The following KCNN3 variants were observed in gnomAD, a reference collection of about 807,000 sequenced individuals.
KCNN3 encodes small conductance calcium-activated potassium channel protein 3.
KCNN3 carries 16 observed loss-of-function variants against 62.9 expected under a neutral mutation model. That is an observed-to-expected ratio of 0.25 (90% confidence interval 0.17 to 0.39). The LOEUF is 0.39. Ranked by LOEUF, KCNN3 falls within the 10% of genes least tolerant of loss-of-function variation. The pLI, the probability that KCNN3 is intolerant of heterozygous loss-of-function variation, is 1.00. For missense variants in KCNN3, 599 were observed against 949.4 expected, an observed-to-expected ratio of 0.63 and a Z score of 4.85; for synonymous variants, 370 against 389.2, an observed-to-expected ratio of 0.95 and a Z score of 0.58.
At chr1:154,785,492 GGC>G (rs1355449426) in intron 2 of KCNN3, among the ~76,000 whole-genome samples, 1 of 151,996 alleles carries the variant, frequency 6.6e-6, no homozygotes, top group African/African-American at 2.4e-5. Flanking sequence ...ATCTCCCAGT[GGC>G]GGGGGCAGCA....
At chr1:154,808,364 C>T (rs1187390900) in intron 2 of KCNN3, among the ~76,000 whole-genome samples, 1 of 152,056 alleles carries the variant, frequency 6.6e-6, no homozygotes, top group Non-Finnish European at 1.5e-5. Flanking sequence ...GAGCTGGTCC[C>T]TTCCCCTAGA....
intron 2 of KCNN3, among the ~76,000 whole-genome samples, chr1:154,814,526 G>C (rs1339968138): frequency 6.6e-6 from 1 of 152,216 alleles, no homozygotes; most frequent in East Asian, 1.9e-4. Context: ...AGGGAAGGGG[G>C]ACGATGGCCA....
At chr1:154,833,261 C>T (rs1286555859) in intron 1 of KCNN3, among the ~76,000 whole-genome samples, 5 of 152,198 alleles carry the variant, frequency 3.3e-5, no homozygotes, top group South Asian at 2.1e-4. Flanking sequence ...CCCCCAACCC[C>T]GGCAATGTTT....
At position 154,859,902 on chromosome 1, in the gene KCNN3, C is replaced by T. The variant is rs1352670369; in HGVS notation, c.933+9130G>A. 2.2e-6 allele frequency: 3 copies of T among 1,354,934 alleles called. No individual in the cohort carries two copies. In the African/African-American group the frequency reaches 4.4e-5, roughly 20 times the overall value. The allele number at this position is 1,354,934 out of a possible 1,614,324, so 83.9% of individuals were successfully genotyped here. On this transcript the variant is annotated intron_variant, in intron 1 of 7. Coordinates refer to ENST00000271915, the MANE Select transcript of KCNN3 (RefSeq NM_002249.6). ...AAGAAAAATGCCCAACAAGCTGACTCAAAAATAACAGATGCCAATTTGCAT... is the reference window on the plus strand; with the variant it reads ...AAGAAAAATGCCCAACAAGCTGACTTAAAAATAACAGATGCCAATTTGCAT...
intron 1 of KCNN3, among the ~76,000 whole-genome samples, chr1:154,864,489 A>C (rs1467380123): frequency 6.6e-6 from 1 of 152,260 alleles, no homozygotes; most frequent in Non-Finnish European, 1.5e-5. Context: ...GAGGCTGGGG[A>C]TGGACTCAGG....
chr1:154,781,294 G>A (rs1013898423), intron 2 of KCNN3, among the ~76,000 whole-genome samples: 2 of 152,158 alleles, frequency 1.3e-5, no homozygotes, highest in South Asian at 4.1e-4. Flanking sequence ...CCCTGAGCAC[G>A]TCACCACTAG....
chr1:154,798,840 TC>T (rs1557981925), intron 2 of KCNN3, among the ~76,000 whole-genome samples: 2 of 151,730 alleles, frequency 1.3e-5, no homozygotes, highest in Admixed American at 6.6e-5. Flanking sequence ...TCCTACCACC[TC>T]ACTATACTGT....
chr1:154,742,826 T>C (rs1214660002), intron 3 of KCNN3, among the ~76,000 whole-genome samples: 2 of 152,214 alleles, frequency 1.3e-5, no homozygotes, highest in Non-Finnish European at 2.9e-5. Context: ...TCACAGCCTC[T>C]GCAGGAGCCT....
rs375910709 is a variant in KCNN3 at position 154,854,584 on chromosome 1, T to C, written c.933+14448A>G. Among the ~76,000 whole-genome samples, 8 of 152,290 alleles carry C rather than the reference T, an allele frequency of 5.3e-5. No individual in the cohort carries two copies. In the South Asian group the frequency reaches 1.7e-3, roughly 32 times the overall value. ...TCAGGCTTATCTATTAAAATGTAAA[T>C]TCGTGACAGCAAAGATTTTTCTCTT... On this transcript the variant is annotated intron_variant, in intron 1 of 7. Transcript: ENST00000271915.
chr1:154,783,137 C>T (rs374904514), intron 2 of KCNN3, among the ~76,000 whole-genome samples: 6 of 151,332 alleles, frequency 4.0e-5, no homozygotes, highest in Non-Finnish European at 7.4e-5. Context: ...GGCCTGAACC[C>T]GGGAGGCAGA....
chr1:154,781,811 G>A (rs1436206144), intron 2 of KCNN3, among the ~76,000 whole-genome samples: 1 of 152,198 alleles, frequency 6.6e-6, no homozygotes, highest in Non-Finnish European at 1.5e-5. Context: ...AGCAAGACAA[G>A]TAGACAAGGC....
chr1:154,742,442 A>G (rs1321597230), intron 3 of KCNN3, among the ~76,000 whole-genome samples: 1 of 152,180 alleles, frequency 6.6e-6, no homozygotes, highest in Non-Finnish European at 1.5e-5. Context: ...CAGTCTTCCC[A>G]CCTGTAAAAG....
At chr1:154,829,873 T>C (rs6683417) in intron 1 of KCNN3, among the ~76,000 whole-genome samples, 7,351 of 152,192 alleles carry the variant, frequency 0.048, 593 homozygotes, top group African/African-American at 0.17. Context: ...GTGTCTCCCA[T>C]TGGCACTGCC....
At chr1:154,714,567 GGT>G (rs1175237890) in intron 6 of KCNN3, among the ~76,000 whole-genome samples, 4 of 69,292 alleles carry the variant, frequency 5.8e-5, no homozygotes, top group East Asian at 8.7e-4. Context: ...GTGTGTGTGT[GGT>G]GTGTGTGTGT....
Position 154,782,309 on chromosome 1 carries a change from G to A in KCNN3, c.1030-9916C>T, listed in dbSNP as rs574781869. Among the ~76,000 whole-genome samples, 25 of 152,310 alleles carry A rather than the reference G, an allele frequency of 1.6e-4. No homozygotes were observed. In the East Asian group the frequency reaches 4.4e-3, roughly 27 times the overall value. ...AATATGCACCACAGCTCGGGCCTCCGAAACAAAATATCATAGACTGGGTAA... is the reference window on the plus strand; with the variant it reads ...AATATGCACCACAGCTCGGGCCTCCAAAACAAAATATCATAGACTGGGTAA... On this transcript the variant is annotated intron_variant, in intron 2 of 7. Transcript: ENST00000271915.
intron 3 of KCNN3, among the ~76,000 whole-genome samples, chr1:154,766,740 C>T (rs1228806390): frequency 1.7e-4 from 25 of 148,774 alleles, no homozygotes; most frequent in South Asian, 1.5e-3. Flanking sequence ...AGTGCAGTGG[C>T]GTGATCTCGG....
intron 3 of KCNN3, among the ~76,000 whole-genome samples, chr1:154,752,665 T>TTG (rs1447726282): frequency 1.1e-4 from 4 of 34,856 alleles, no homozygotes; most frequent in African/African-American, 3.6e-4. Flanking sequence ...GTGCTCCTTA[T>TTG]TTATTAAAAA....
chr1:154,826,486 T>C (rs560327089), intron 1 of KCNN3, among the ~76,000 whole-genome samples: 2 of 151,580 alleles, frequency 1.3e-5, no homozygotes, highest in South Asian at 2.1e-4. Flanking sequence ...CTTCTCACCA[T>C]GGCAAAGCCA....
chr1:154,752,922 C>G (rs1388375150), intron 3 of KCNN3, among the ~76,000 whole-genome samples: 5 of 152,202 alleles, frequency 3.3e-5, no homozygotes, highest in African/African-American at 1.2e-4. Flanking sequence ...GCTCCGAGCA[C>G]CCGGCTCAGA....
Sources: allele counts gnomAD v4.1 joint callset (sites outside exome capture counted in the v4.1 genomes callset), GRCh38; gene constraint gnomAD v4.1.1; transcripts MANE v1.5; gene names NCBI Gene and HGNC (gene_info 2026-07-23, HGNC 2026-07-21).